USP47: variants seen among roughly 807,000 people sequenced by gnomAD.
The protein encoded by USP47 is ubiquitin carboxyl-terminal hydrolase 47.
USP47 carries 35 observed loss-of-function variants against 165.1 expected under a neutral mutation model. The ratio of observed to expected loss-of-function variants is 0.21; its 90% confidence interval spans 0.16 to 0.28. The LOEUF is 0.28. USP47 is among the 10% of genes least tolerant of loss of function. The pLI is 1.00. For missense variants in USP47, 1,277 were observed against 1,607.4 expected, an observed-to-expected ratio of 0.79 and a Z score of 3.52; for synonymous variants, 531 against 544.5, an observed-to-expected ratio of 0.98 and a Z score of 0.35.
chr11:11,929,337 C>A, intron 11 of USP47, 97 bp from the exon 12 acceptor site: 1 of 1,484,466 alleles, frequency 6.7e-7, no homozygotes, highest in South Asian at 1.4e-5. Context: ...GACAACTTAC[C>A]ATGTTACTTC....
chr11:11,948,434 T>C, intron 21 of USP47, 44 bp from the exon 22 acceptor site: 1 of 1,520,386 alleles, frequency 6.6e-7, no homozygotes, highest in Non-Finnish European at 9.1e-7. Flanking sequence ...GGGTTGTTTA[T>C]TCTGCTGAGA....
intron 1 of USP47, among the ~76,000 whole-genome samples, chr11:11,860,225 C>T (rs1024747362): frequency 6.6e-6 from 1 of 151,900 alleles, no homozygotes; most frequent in African/African-American, 2.4e-5. Flanking sequence ...TCTCGGCTCA[C>T]CACAACCTCT....
At chr11:11,919,456 ATTAACT>A (rs1488096620) in intron 8 of USP47, among the ~76,000 whole-genome samples, 4 of 151,928 alleles carry the variant, frequency 2.6e-5, no homozygotes, top group African/African-American at 9.7e-5. Context: ...TAAAATAAAA[ATTAACT>A]TTATGCCACT....
intron 17 of USP47, 25 bp from the exon 18 acceptor site, chr11:11,938,232 G>A: frequency 6.3e-7 from 1 of 1,591,832 alleles, no homozygotes; most frequent in Non-Finnish European, 8.6e-7. Flanking sequence ...CTCCAATTCT[G>A]TGTTTATGTC....
chr11:11,860,183 C>T (rs111240020), intron 1 of USP47, among the ~76,000 whole-genome samples: 48 of 150,854 alleles, frequency 3.2e-4, no homozygotes, highest in African/African-American at 1.1e-3. Context: ...GAGTTTCGCT[C>T]TTGTTGCCCA....
chr11:11,936,553 T>C, intron 17 of USP47, 43 bp downstream of exon 17: 1 of 1,434,906 alleles, frequency 7.0e-7, no homozygotes, highest in Non-Finnish European at 9.3e-7. Flanking sequence ...GTACTTAGAA[T>C]TTTCATGAGA....
chr11:11,934,808 C>T (rs1276466395), intron 16 of USP47, among the ~76,000 whole-genome samples: 1 of 152,004 alleles, frequency 6.6e-6, no homozygotes, highest in Non-Finnish European at 1.5e-5. Flanking sequence ...ATTTATGATA[C>T]TTAACAAATA....
In USP47 at chr11:11,959,853, TA is replaced by T. The variant is rs536056243; in HGVS notation, c.*3682del. The stretch of plus-strand genomic sequence containing the variant: ...CAGGTCAGAAATTGTTATTGGACCC[TA>T]AAACCTTGCCTCACAGGTGGGCACC... On this transcript the variant is annotated 3_prime_UTR_variant, in exon 28 of 28. Coordinates refer to ENST00000527733, the MANE Select transcript of USP47 (RefSeq NM_001282659.2). Among the ~76,000 whole-genome samples, 38 of 152,294 alleles carry T rather than the reference TA, an allele frequency of 2.5e-4. No homozygotes were observed. The South Asian group carries it at 7.9e-3, about 32-fold the overall frequency.
At chr11:11,900,855 T>C (rs1170311858) in intron 5 of USP47, among the ~76,000 whole-genome samples, 1 of 152,234 alleles carries the variant, frequency 6.6e-6, no homozygotes, top group Non-Finnish European at 1.5e-5. Context: ...TTCAGTCTTA[T>C]TTTACAGTAA....
intron 1 of USP47, among the ~76,000 whole-genome samples, chr11:11,842,566 C>G (rs1392800646): frequency 2.0e-5 from 3 of 152,202 alleles, no homozygotes; most frequent in African/African-American, 7.2e-5. Context: ...AGAAAACATT[C>G]TGGAACAGTT....
At chr11:11,928,901 A>G (rs758565874) in intron 11 of USP47, among the ~76,000 whole-genome samples, 4 of 151,626 alleles carry the variant, frequency 2.6e-5, no homozygotes, top group Non-Finnish European at 5.9e-5. Flanking sequence ...AATAATATTA[A>G]TTTATTGTAG....
chr11:11,885,926 A>G (rs1176687716), intron 3 of USP47, among the ~76,000 whole-genome samples: 1 of 152,212 alleles, frequency 6.6e-6, no homozygotes, highest in Non-Finnish European at 1.5e-5. Flanking sequence ...TTCACTGGTG[A>G]TACCTCCAGG....
chr11:11,842,509 CTTT>C (rs1848187515), intron 1 of USP47, among the ~76,000 whole-genome samples: 1 of 152,186 alleles, frequency 6.6e-6, no homozygotes, highest in Non-Finnish European at 1.5e-5. Flanking sequence ...AGAAGGTGGC[CTTT>C]TAAGTTCTTG....
intron 8 of USP47, among the ~76,000 whole-genome samples, chr11:11,906,513 T>A (rs1852575162): frequency 1.3e-5 from 2 of 152,150 alleles, no homozygotes; most frequent in Admixed American, 1.3e-4. Flanking sequence ...CTCCTACCTT[T>A]ATATGGCTAT....
intron 1 of USP47, among the ~76,000 whole-genome samples, chr11:11,863,791 T>G (rs990159087): frequency 1.3e-5 from 2 of 152,208 alleles, no homozygotes; most frequent in African/African-American, 4.8e-5. Context: ...TTTCCACATT[T>G]GGCCAGTGCG....
Position 11,936,516 on chromosome 11 carries a change from C to T in USP47, c.2077+6C>T, listed in dbSNP as rs1272733455. 1 of 1,553,110 alleles carries T rather than the reference C, an allele frequency of 6.4e-7. No individual in the cohort carries two copies. Among genetic ancestry groups the T allele is most frequent in the Admixed American group, 1.8e-5 (1 of 55,830 alleles). ...CCAATCTTATAAACCTGGAGGTGAG[C>T]AATTTTACACTATTTTTAGTTGTTC... On this transcript the variant is annotated splice_donor_region_variant and intron_variant, in intron 17 of 27. Transcript: ENST00000527733.
intron 24 of USP47, chr11:11,952,054 A>C (rs1238005194): frequency 6.6e-6 from 1 of 152,212 alleles, no homozygotes; most frequent in Non-Finnish European, 1.5e-5. Context: ...TAAATCCAAG[A>C]GGTATTTATT....
chr11:11,923,939 C>G (rs1395091663), intron 11 of USP47, among the ~76,000 whole-genome samples: 1 of 152,238 alleles, frequency 6.6e-6, no homozygotes, highest in Non-Finnish European at 1.5e-5. Context: ...TGTGTTTTTA[C>G]ATACACTTTC....
intron 1 of USP47, among the ~76,000 whole-genome samples, chr11:11,849,097 T>A: frequency 6.6e-6 from 1 of 151,514 alleles, no homozygotes; most frequent in East Asian, 2.0e-4. Context: ...AGATGGAGTT[T>A]CACTATTATT....
Sources: gnomAD v4.1 joint callset for allele counts (sites outside exome capture counted in the v4.1 genomes callset) on GRCh38, gnomAD v4.1.1 for gene constraint, MANE v1.5 for transcripts, NCBI Gene and HGNC (gene_info 2026-07-23, HGNC 2026-07-21) for gene names.